The following UVRAG variants were observed in gnomAD, a reference collection of about 807,000 sequenced individuals.
The protein encoded by UVRAG is UV radiation resistance associated, also known as UV radiation resistance-associated gene protein.
In UVRAG, 19 loss-of-function variants were observed where a neutral mutation model predicts 78.0. The ratio of observed to expected loss-of-function variants is 0.24; its 90% CI spans 0.17 to 0.36. The LOEUF is 0.36. Ranked by LOEUF, UVRAG falls within the 10% of genes least tolerant of loss-of-function variation. The probability of loss-of-function intolerance (pLI) is 1.00; values close to 1 mark genes in which losing one functional copy is unlikely to be tolerated. For synonymous variants in UVRAG, 323 were observed against 324.6 expected, an observed-to-expected ratio of 1.00 and a Z score of 0.05; for missense variants, 740 against 853.8, an observed-to-expected ratio of 0.87 and a Z score of 1.66.
intron 12 of UVRAG, among the ~76,000 whole-genome samples, chr11:76,038,612 A>G (rs1331338664): frequency 6.6e-6 from 1 of 152,210 alleles, no homozygotes; most frequent in African/African-American, 2.4e-5. Flanking sequence ...AGATGAATGT[A>G]ATAGAATTTT....
intron 6 of UVRAG, among the ~76,000 whole-genome samples, chr11:75,918,756 A>T (rs1351699150): frequency 1.3e-5 from 2 of 152,174 alleles, no homozygotes; most frequent in Admixed American, 6.5e-5. Flanking sequence ...ATTTCTATTG[A>T]TCAAATTGAA....
chr11:75,824,681 T>TC (rs1317256686), intron 1 of UVRAG, among the ~76,000 whole-genome samples: 1 of 145,482 alleles, frequency 6.9e-6, no homozygotes, highest in East Asian at 2.0e-4. Context: ...TTTTTTTTTT[T>TC]TTTTTTTTTT....
chr11:75,968,691 AT>A lies in UVRAG; in HGVS notation c.699+7143del, dbSNP rs150755556. Reference sequence around the variant, plus strand: ...GCAGGTTATCCTCCTAGCCAGGCATATCCCTGTGTTCTCTGAATATTTGCTT... The same window carrying A: ...GCAGGTTATCCTCCTAGCCAGGCATACCCTGTGTTCTCTGAATATTTGCTT... On this transcript the variant is annotated intron_variant, in intron 7 of 14. Coordinates refer to ENST00000356136, the MANE Select transcript of UVRAG (RefSeq NM_003369.4). Among the ~76,000 whole-genome samples the A allele has an allele frequency of 4.2e-3, 634 of 152,298 alleles. 5 individuals are homozygous for A. Among genetic ancestry groups the A allele is most frequent in the African/African-American group, 0.014 (601 of 41,570 alleles).
intron 3 of UVRAG, among the ~76,000 whole-genome samples, chr11:75,879,057 G>A (rs542346145): frequency 2.0e-5 from 3 of 152,166 alleles, no homozygotes; most frequent in Non-Finnish European, 4.4e-5. Flanking sequence ...AGAGGGTTTC[G>A]ACTCCCTGGA....
chr11:75,930,542 G>T (rs1948211371), intron 6 of UVRAG, among the ~76,000 whole-genome samples: 1 of 152,134 alleles, frequency 6.6e-6, no homozygotes, highest in African/African-American at 2.4e-5. Flanking sequence ...GACAGAAAAA[G>T]TTTTATAATT....
At chr11:76,118,493 T>C (rs1047648146) in intron 14 of UVRAG, among the ~76,000 whole-genome samples, 1 of 152,200 alleles carries the variant, frequency 6.6e-6, no homozygotes, top group African/African-American at 2.4e-5. Context: ...TTAAGTATTA[T>C]ATTTATTGTA....
At chr11:76,135,774 C>G (rs1200539793) in intron 14 of UVRAG, among the ~76,000 whole-genome samples, 1 of 152,134 alleles carries the variant, frequency 6.6e-6, no homozygotes, top group Non-Finnish European at 1.5e-5. Flanking sequence ...GTTGCTTGAA[C>G]CTCAGGCTCT....
chr11:76,002,389 T>A (rs1949831962), intron 8 of UVRAG, among the ~76,000 whole-genome samples: 1 of 152,086 alleles, frequency 6.6e-6, no homozygotes, highest in Non-Finnish European at 1.5e-5. Context: ...TGCAAGGAGT[T>A]TTCTTGAGGG....
At chr11:75,859,621 TG>T (rs1822923734) in intron 2 of UVRAG, among the ~76,000 whole-genome samples, 2 of 152,264 alleles carry the variant, frequency 1.3e-5, no homozygotes, top group African/African-American at 4.8e-5. Context: ...GAAGAAATTG[TG>T]GGCCATAAAG....
chr11:76,024,396 AGCCAG>A (rs1293002770), intron 12 of UVRAG, among the ~76,000 whole-genome samples: 1 of 152,128 alleles, frequency 6.6e-6, no homozygotes, highest in African/African-American at 2.4e-5. Flanking sequence ...TTTCCTTGGC[AGCCAG>A]AGGAACCACA....
chr11:76,002,380 G>A (rs1387226349), intron 8 of UVRAG, among the ~76,000 whole-genome samples: 1 of 152,070 alleles, frequency 6.6e-6, no homozygotes, highest in Non-Finnish European at 1.5e-5. Context: ...CTACCACATT[G>A]CAAGGAGTTT....
intron 12 of UVRAG, among the ~76,000 whole-genome samples, chr11:76,043,603 TGTAA>T (rs1427233957): frequency 2.0e-5 from 3 of 152,210 alleles, no homozygotes; most frequent in Non-Finnish European, 4.4e-5. Flanking sequence ...AAAAAACTTA[TGTAA>T]GTATTTTTGT....
chr11:76,098,901 C>A (rs910607114), intron 13 of UVRAG, among the ~76,000 whole-genome samples: 1 of 152,044 alleles, frequency 6.6e-6, no homozygotes, highest in Non-Finnish European at 1.5e-5. Flanking sequence ...CTCTGTTGTT[C>A]GAAATTAAAT....
chr11:76,060,572 G>A (rs1951064323), intron 12 of UVRAG, among the ~76,000 whole-genome samples: 3 of 152,242 alleles, frequency 2.0e-5, no homozygotes, highest in Non-Finnish European at 4.4e-5. Flanking sequence ...AGGGAGAGGC[G>A]CGAGCGGGAA....
chr11:75,854,916 A>T (rs966039845), intron 2 of UVRAG, among the ~76,000 whole-genome samples: 6 of 152,200 alleles, frequency 3.9e-5, no homozygotes, highest in Non-Finnish European at 7.3e-5. Context: ...TAAATTTTTG[A>T]TGAGTGTCTA....
intron 6 of UVRAG, among the ~76,000 whole-genome samples, chr11:75,959,561 G>A (rs1388581802): frequency 6.6e-6 from 1 of 152,214 alleles, no homozygotes; most frequent in Non-Finnish European, 1.5e-5. Flanking sequence ...AGAGAAGGTT[G>A]TGGCTGGTTT....
At chr11:75,902,639 C>T (rs1193550413) in intron 5 of UVRAG, among the ~76,000 whole-genome samples, 1 of 152,032 alleles carries the variant, frequency 6.6e-6, no homozygotes, top group Non-Finnish European at 1.5e-5. Flanking sequence ...ACTATTTTTT[C>T]ATTTATCCTG....
intron 9 of UVRAG, among the ~76,000 whole-genome samples, chr11:76,006,409 C>T (rs1949940009): frequency 1.3e-5 from 2 of 151,900 alleles, no homozygotes; most frequent in African/African-American, 4.8e-5. Flanking sequence ...CCTGTGATCC[C>T]AGCACTTTGG....
intron 7 of UVRAG, among the ~76,000 whole-genome samples, chr11:75,980,632 T>C (rs1033090358): frequency 1.3e-5 from 2 of 152,114 alleles, no homozygotes; most frequent in Non-Finnish European, 2.9e-5. Context: ...TCTTTCTTCA[T>C]ATTAGTAAAT....
Sources: allele counts gnomAD v4.1 joint callset (sites outside exome capture counted in the v4.1 genomes callset), GRCh38; gene constraint gnomAD v4.1.1; transcripts MANE v1.5; gene names NCBI Gene and HGNC (gene_info 2026-07-23, HGNC 2026-07-21).